The following LRRC75B variants were observed in gnomAD, a reference collection of about 807,000 sequenced individuals.
LRRC75B encodes leucine-rich repeat-containing protein 75B.
Under a neutral mutation model 16.5 loss-of-function variants are expected in LRRC75B, and 20 were observed. That is an observed-to-expected ratio of 1.21 (90% CI 0.85 to 1.76). The LOEUF is 1.76. LRRC75B is among the 40% of genes most tolerant of loss of function. The pLI, the probability that LRRC75B is intolerant of heterozygous loss-of-function variation, is 0.00. For synonymous variants in LRRC75B, 199 were observed against 198.1 expected (o/e 1.00, Z -0.04); for missense variants, 406 against 417.0 (o/e 0.97, Z 0.23).
intron 1 of LRRC75B, among the ~76,000 whole-genome samples, chr22:24,591,045 C>T (rs1022040304): frequency 2.0e-5 from 3 of 152,230 alleles, no homozygotes; most frequent in African/African-American, 7.2e-5. Context: ...CCTGTCTACT[C>T]CCACAGGACT....
At position 24,586,124 on chromosome 22, in the gene LRRC75B, T is replaced by C. The variant is rs2045384909; in HGVS notation, c.710A>G (p.Lys237Arg). Reference protein sequence around the residue: ...KLTDAIKDTTKFPALAWVDLG... With the variant: ...KLTDAIKDTTRFPALAWVDLG... ...GTCCACCCAAGCCAAAGCAGGGAACTTGGTGGTGTCCTTGATGGCATCAGT... is the reference window on the plus strand; with the variant it reads ...GTCCACCCAAGCCAAAGCAGGGAACCTGGTGGTGTCCTTGATGGCATCAGT... Residue 237 changes from lysine to arginine, a missense_variant, in exon 4 of 4, where the codon AAG (lysine) becomes AGG (arginine). Physicochemically the swap from Lys to Arg is conservative, Grantham distance 26. Transcript: ENST00000318753. 6.2e-7 allele frequency: 1 copy of C among 1,613,212 alleles called. No homozygotes were observed. The highest frequency in any genetic ancestry group is 8.5e-7 in the Non-Finnish European group (1 of 1,179,958).
intron 3 of LRRC75B, among the ~76,000 whole-genome samples, chr22:24,586,624 C>T (rs931072332): frequency 1.2e-4 from 19 of 152,230 alleles, no homozygotes; most frequent in Non-Finnish European, 7.3e-5. Flanking sequence ...CTCTGCCTCC[C>T]GGATTCAAGC....
intron 1 of LRRC75B, among the ~76,000 whole-genome samples, chr22:24,590,159 G>T (rs1395305145): frequency 3.3e-5 from 5 of 152,122 alleles, no homozygotes; most frequent in Non-Finnish European, 7.4e-5. Context: ...TTGAGACAGG[G>T]TCTCACCCTG....
At chr22:24,588,133 T>TCACCAGCC in intron 3 of LRRC75B, 81 bp downstream of exon 3, 1 of 1,109,136 alleles carries the variant, frequency 9.0e-7, no homozygotes, top group Non-Finnish European at 1.4e-6. Context: ...AGCACCAGCC[T>TCACCAGCC]CTTGGTGAGA....
At chr22:24,592,474 T>G in intron 1 of LRRC75B, 1 of 460,708 alleles carries the variant, frequency 2.2e-6, no homozygotes, top group African/African-American at 2.0e-5. Context: ...TACAAGATGA[T>G]TTGACCTCAC....
intron 1 of LRRC75B, 29 bp from the exon 2 acceptor site, chr22:24,589,978 A>G: frequency 6.5e-7 from 1 of 1,547,218 alleles, no homozygotes; most frequent in Non-Finnish European, 8.7e-7. Context: ...GAGTTGAGTG[A>G]GCCCGTTGGG....
chr22:24,589,548 G>T, intron 2 of LRRC75B: 1 of 463,596 alleles, frequency 2.2e-6, no homozygotes, highest in Non-Finnish European at 3.4e-6. Context: ...TTCCTGGTCT[G>T]GGCCCCCAGG....
chr22:24,588,474 CT>C, intron 2 of LRRC75B, 145 bp from the exon 3 acceptor site: 2 of 771,860 alleles, frequency 2.6e-6, no homozygotes, highest in Non-Finnish European at 4.2e-6. Context: ...GGGCCTCCCC[CT>C]CCTACCCCCC....
chr22:24,586,384 C>T lies in LRRC75B; in HGVS notation c.450G>A (p.Leu150=). ...AGAGGTCCACAGTCTCCCCTGCCAGCAGAGTCTTCTGGAGGCTGCTCTTGA... is the reference window on the plus strand; with the variant it reads ...AGAGGTCCACAGTCTCCCCTGCCAGTAGAGTCTTCTGGAGGCTGCTCTTGA... ...SCLKSSLQKT[L]LAGETVDLSG... The change falls in exon 4 of 4, where the codon CTG becomes CTA. Residue 150 remains leucine, a synonymous_variant. Transcript: ENST00000318753. The T allele has an allele frequency of 1.9e-6, 3 of 1,613,402 alleles. No individual in the cohort carries two copies. The highest frequency in any genetic ancestry group is 2.5e-6 in the Non-Finnish European group (3 of 1,179,796).
At position 24,592,939 on chromosome 22, in the gene LRRC75B, C is replaced by A; in HGVS notation, c.101G>T (p.Trp34Leu). The change falls in exon 1 of 4, where the codon TGG (tryptophan) becomes TTG (leucine). Residue 34 changes from tryptophan (W) to leucine (L), a missense_variant. Physicochemically the swap from Trp to Leu is moderately conservative, Grantham distance 61. Coordinates refer to ENST00000318753, the MANE Select transcript of LRRC75B (RefSeq NM_207644.3). Reference protein sequence around the residue: ...GPAPYERRVRWLREIQSTLRE... With the variant: ...GPAPYERRVRLLREIQSTLRE... Reference sequence around the variant, plus strand: ...GAGCGTGGACTGGATCTCGCGGAGCCACCGCACCCGGCGCTCGTAGGGCGC... The same window carrying A: ...GAGCGTGGACTGGATCTCGCGGAGCAACCGCACCCGGCGCTCGTAGGGCGC... The A allele has an allele frequency of 8.1e-7, 1 of 1,232,748 alleles. No individual in the cohort carries two copies. The highest frequency in any genetic ancestry group is 1.0e-6 in the Non-Finnish European group (1 of 985,004). 76.4% of individuals were successfully genotyped at this position (1,232,748 alleles called of 1,614,324 possible).
rs903019303 is a variant in LRRC75B, at chr22:24,585,807, C to A, written c.*79G>T. ...ACTGGATTTCTGGGGGCCTGTGAGT[C>A]CTCCTTGACCTTCATCGCCCACTAT... On this transcript the variant is annotated 3_prime_UTR_variant, in exon 4 of 4. Coordinates refer to ENST00000318753, the MANE Select transcript of LRRC75B (RefSeq NM_207644.3). The A allele has an allele frequency of 9.2e-5, 124 of 1,353,858 alleles. 1 individual carries two copies. The highest frequency in any genetic ancestry group is 1.1e-4 in the Non-Finnish European group (117 of 1,017,632). The allele number at this position is 1,353,858 out of a possible 1,614,324, so 83.9% of individuals were successfully genotyped here.
chr22:24,588,199 C>T lies in LRRC75B; in HGVS notation c.422+15G>A. On this transcript the variant is annotated intron_variant, in intron 3 of 3. Coordinates refer to ENST00000318753, the MANE Select transcript of LRRC75B (RefSeq NM_207644.3). ...GAGCAGCAGTGAGGAGGGGCAGTGGCTGGGCTACCCTTACCAGCTCTGGGT... is the reference window on the plus strand; with the variant it reads ...GAGCAGCAGTGAGGAGGGGCAGTGGTTGGGCTACCCTTACCAGCTCTGGGT... 6 of 1,598,222 alleles carry T rather than the reference C, an allele frequency of 3.8e-6. No homozygotes were observed. The highest frequency in any genetic ancestry group is 5.1e-6 in the Non-Finnish European group (6 of 1,168,372).
intron 2 of LRRC75B, 183 bp downstream of exon 2, chr22:24,589,638 T>C (rs1569037304): frequency 1.4e-6 from 1 of 703,912 alleles, no homozygotes; most frequent in African/African-American, 1.8e-5. Context: ...TCACACTTGC[T>C]CTAGCTGGTG....
intron 1 of LRRC75B, 85 bp from the exon 2 acceptor site, chr22:24,590,034 G>GC (rs2045522361): frequency 7.1e-7 from 1 of 1,409,986 alleles, no homozygotes; most frequent in East Asian, 2.6e-5. Context: ...TGCTGCTTAT[G>GC]CCCGTTCCTG....
intron 2 of LRRC75B, 72 bp downstream of exon 2, chr22:24,589,749 C>T: frequency 6.7e-7 from 1 of 1,487,330 alleles, no homozygotes; most frequent in Non-Finnish European, 8.9e-7. Flanking sequence ...CTCCCAGTCC[C>T]CAGCCCTGGG....
Position 24,589,961 on chromosome 22 carries a change from G to A in LRRC75B, c.178-12C>T, listed in dbSNP as rs375676985. 3.8e-6 allele frequency: 6 copies of A among 1,578,044 alleles called. No individual in the cohort carries two copies. Among genetic ancestry groups the A allele is most frequent in the African/African-American group, 2.7e-5 (2 of 73,954 alleles). Reference sequence around the variant, plus strand: ...TCAAGGCCCAGGTCCTGTGAGTGGTGAAGAGAGAGTTGAGTGAGCCCGTTG... The same window carrying A: ...TCAAGGCCCAGGTCCTGTGAGTGGTAAAGAGAGAGTTGAGTGAGCCCGTTG... On this transcript the variant is annotated splice_polypyrimidine_tract_variant and intron_variant, in intron 1 of 3. Transcript: ENST00000318753.
chr22:24,585,814 G>T lies in LRRC75B; in HGVS notation c.*72C>A. On this transcript the variant is annotated 3_prime_UTR_variant, in exon 4 of 4. Coordinates refer to ENST00000318753, the MANE Select transcript of LRRC75B (RefSeq NM_207644.3). Reference sequence around the variant, plus strand: ...TTCTGGGGGCCTGTGAGTCCTCCTTGACCTTCATCGCCCACTATCATGTGC... The same window carrying T: ...TTCTGGGGGCCTGTGAGTCCTCCTTTACCTTCATCGCCCACTATCATGTGC... The T allele has an allele frequency of 7.2e-7, 1 of 1,397,032 alleles. No individual in the cohort carries two copies. Among genetic ancestry groups the T allele is most frequent in the South Asian group, 1.4e-5 (1 of 69,964 alleles). The allele number at this position is 1,397,032 out of a possible 1,614,324, so 86.5% of individuals were successfully genotyped here.
intron 2 of LRRC75B, chr22:24,588,727 C>G: frequency 1.9e-6 from 2 of 1,061,074 alleles, no homozygotes; most frequent in Non-Finnish European, 1.1e-6. Flanking sequence ...CCGTGCTCCA[C>G]TGACGCCAAT....
chr22:24,588,926 G>A (rs2045483999), intron 2 of LRRC75B: 1 of 1,002,542 alleles, frequency 1.0e-6, no homozygotes, highest in African/African-American at 1.7e-5. Context: ...TGGAATCCGA[G>A]GTGCGCGGCC....
Sources: gnomAD v4.1 joint callset for allele counts (sites outside exome capture counted in the v4.1 genomes callset) on GRCh38, gnomAD v4.1.1 for gene constraint, MANE v1.5 for transcripts, NCBI Gene and HGNC (gene_info 2026-07-23, HGNC 2026-07-21) for gene names.